EED: variants seen among roughly 807,000 people sequenced by gnomAD.
EED encodes embryonic ectoderm development, also known as polycomb protein EED.
A neutral mutation model predicts 61.0 loss-of-function variants in EED; 9 were observed. The observed-to-expected ratio is 0.15, with a 90% CI of 0.09 to 0.26. The LOEUF is 0.26. Among genes scored for constraint, EED ranks in the 10% least tolerant of loss-of-function variants. EED has a pLI of 1.00. For missense variants in EED, 315 were observed against 542.3 expected (o/e 0.58, Z 4.16); for synonymous variants, 187 against 174.4 (o/e 1.07, Z -0.57).
intron 6 of EED, among the ~76,000 whole-genome samples, chr11:86,262,028 C>T (rs1945843111): frequency 6.6e-6 from 1 of 152,196 alleles, no homozygotes; most frequent in Non-Finnish European, 1.5e-5. Flanking sequence ...TTAATATTCT[C>T]TCTCAAACAT....
intron 3 of EED, 30 bp from the exon 4 acceptor site, chr11:86,255,192 T>C (rs755569556): frequency 1.3e-6 from 2 of 1,550,564 alleles, no homozygotes; most frequent in Non-Finnish European, 8.9e-7. Flanking sequence ...ATACTTGAGA[T>C]GAAATTTACT....
At chr11:86,269,884 T>C (rs1946071307) in intron 9 of EED, among the ~76,000 whole-genome samples, 1 of 152,220 alleles carries the variant, frequency 6.6e-6, no homozygotes, top group Non-Finnish European at 1.5e-5. Flanking sequence ...TACCATAGTT[T>C]ATGTAACTAT....
chr11:86,244,770 T>C lies in EED; in HGVS notation c.-460T>C, dbSNP rs1945337382. The C allele has an allele frequency of 4.3e-6, 1 of 232,928 alleles. No individual in the cohort carries two copies. The highest frequency in any genetic ancestry group is 8.5e-6 in the Non-Finnish European group (1 of 117,734). 14.4% of individuals were successfully genotyped at this position (232,928 alleles called of 1,614,324 possible). On this transcript the variant is annotated 5_prime_UTR_variant, in exon 1 of 12. Transcript: ENST00000263360. ...TGTAGCCCATTCCACAGACTTTCGCTCCCTAGCAGCGGGTCGGAGATCGAA... is the reference window on the plus strand; with the variant it reads ...TGTAGCCCATTCCACAGACTTTCGCCCCCTAGCAGCGGGTCGGAGATCGAA...
rs907767827 is a variant in EED at position 86,256,607 on chromosome 11, A to G, written c.552+95A>G. The stretch of plus-strand genomic sequence containing the variant: ...AATTTAAAACTAATGGTATGAATGT[A>G]ACATTTCTCATTTGATTTGTACTTT... On this transcript the variant is annotated intron_variant, in intron 5 of 11. Transcript: ENST00000263360. 9.8e-6 allele frequency: 12 copies of G among 1,219,708 alleles called. No individual in the cohort carries two copies. The Middle Eastern group carries it at 1.0e-3, about 102-fold the overall frequency. 75.6% of individuals were successfully genotyped at this position (1,219,708 alleles called of 1,614,324 possible). A position where few individuals can be genotyped will look rare whatever the true frequency, so the allele number is the denominator to read the frequency against.
intron 1 of EED, among the ~76,000 whole-genome samples, chr11:86,245,907 A>C (rs189531437): frequency 7.4e-4 from 113 of 152,244 alleles, no homozygotes; most frequent in African/African-American, 2.6e-3. Context: ...GAGGAGCCGA[A>C]TTGAGAGGAT....
chr11:86,257,511 G>A lies in EED; in HGVS notation c.553-4G>A. On this transcript the variant is annotated splice_region_variant and splice_polypyrimidine_tract_variant and intron_variant, in intron 5 of 11. Coordinates refer to ENST00000263360, the MANE Select transcript of EED (RefSeq NM_003797.5). Reference sequence around the variant, plus strand: ...AAACTTGAAATGTTTTAAATTTATTGTAGCACTATGTTGGCCATGGAAATG... The same window carrying A: ...AAACTTGAAATGTTTTAAATTTATTATAGCACTATGTTGGCCATGGAAATG... 6.3e-7 allele frequency: 1 copy of A among 1,595,998 alleles called. No individual in the cohort carries two copies. The highest frequency in any genetic ancestry group is 8.5e-7 in the Non-Finnish European group (1 of 1,173,510).
At chr11:86,263,017 C>T (rs868516475) in intron 6 of EED, among the ~76,000 whole-genome samples, 11 of 152,016 alleles carry the variant, frequency 7.2e-5, no homozygotes, top group Admixed American at 5.9e-4. Context: ...TATGTTACCC[C>T]GGCTGGTCTT....
intron 1 of EED, among the ~76,000 whole-genome samples, chr11:86,247,817 A>G (rs1254146541): frequency 6.6e-6 from 1 of 152,216 alleles, no homozygotes; most frequent in African/African-American, 2.4e-5. Flanking sequence ...GTGGGGGAAT[A>G]TGTTTTTGTG....
intron 5 of EED, among the ~76,000 whole-genome samples, chr11:86,257,140 A>G (rs1407773234): frequency 1.3e-5 from 2 of 150,560 alleles, no homozygotes; most frequent in African/African-American, 2.5e-5. Flanking sequence ...GGCTCAAGCG[A>G]TCCTCCTGCC....
intron 6 of EED, among the ~76,000 whole-genome samples, chr11:86,260,684 G>A (rs980239648): frequency 1.3e-5 from 2 of 152,096 alleles, no homozygotes; most frequent in Non-Finnish European, 2.9e-5. Flanking sequence ...TTTTTAATGT[G>A]AGTATGGTGA....
In EED at chr11:86,244,820, C is replaced by A; in HGVS notation, c.-410C>A. The A allele has an allele frequency of 4.2e-6, 1 of 239,590 alleles. No homozygotes were observed. Among genetic ancestry groups the A allele is most frequent in the Non-Finnish European group, 8.2e-6 (1 of 122,118 alleles). The allele number at this position is 239,590 out of a possible 1,614,324, so 14.8% of individuals were successfully genotyped here. The stretch of plus-strand genomic sequence containing the variant: ...AGGAACGGGCCAATTGCGGCTGAAA[C>A]GTCTTTGGAAGGAGGAAGGGGGTGA... On this transcript the variant is annotated 5_prime_UTR_variant, in exon 1 of 12. Transcript: ENST00000263360.
chr11:86,286,951 G>A, the EED span, among the ~76,000 whole-genome samples: 231 of 107,728 alleles, frequency 2.1e-3, no homozygotes, highest in African/African-American at 8.0e-3. Context: ...CTGCCTGGGC[G>A]AAAGAGCGAG....
At position 86,244,766 on chromosome 11, in the gene EED, T is replaced by G. The variant is rs1945337059; in HGVS notation, c.-464T>G. On this transcript the variant is annotated 5_prime_UTR_variant, in exon 1 of 12. Coordinates refer to ENST00000263360, the MANE Select transcript of EED (RefSeq NM_003797.5). Reference sequence around the variant, plus strand: ...GTGGTGTAGCCCATTCCACAGACTTTCGCTCCCTAGCAGCGGGTCGGAGAT... The same window carrying G: ...GTGGTGTAGCCCATTCCACAGACTTGCGCTCCCTAGCAGCGGGTCGGAGAT... 1 of 233,094 alleles carries G rather than the reference T, an allele frequency of 4.3e-6. No individual in the cohort carries two copies. The allele number at this position is 233,094 out of a possible 1,614,324, so 14.4% of individuals were successfully genotyped here.
At chr11:86,259,858 G>A (rs1332872528) in intron 6 of EED, among the ~76,000 whole-genome samples, 4 of 152,186 alleles carry the variant, frequency 2.6e-5, no homozygotes, top group Non-Finnish European at 4.4e-5. Flanking sequence ...AACAAGTATT[G>A]ACTGGCACAA....
chr11:86,262,366 T>C (rs1326845648), intron 6 of EED, among the ~76,000 whole-genome samples: 1 of 152,272 alleles, frequency 6.6e-6, no homozygotes, highest in Non-Finnish European at 1.5e-5. Context: ...TTGGATTCAT[T>C]GCTCTTAACT....
intron 9 of EED, among the ~76,000 whole-genome samples, chr11:86,270,687 G>C (rs1051476414): frequency 2.0e-5 from 3 of 152,070 alleles, no homozygotes; most frequent in African/African-American, 7.2e-5. Context: ...ATTTTGAGTT[G>C]ATTTCCTTAT....
chr11:86,265,114 A>G (rs1945941799), intron 7 of EED: 1 of 152,166 alleles, frequency 6.6e-6, no homozygotes, highest in African/African-American at 2.4e-5. Context: ...TTCTTTATTA[A>G]TAACTCCAAA....
At chr11:86,257,385 A>G in intron 5 of EED, 130 bp from the exon 6 acceptor site, 3 of 216,284 alleles carry the variant, frequency 1.4e-5, no homozygotes, top group South Asian at 3.1e-4. Context: ...TTGTTGGGTG[A>G]TTTTAGTATG....
intron 9 of EED, among the ~76,000 whole-genome samples, chr11:86,271,632 T>G (rs149748209): frequency 6.6e-6 from 1 of 152,346 alleles, no homozygotes; most frequent in Non-Finnish European, 1.5e-5. Context: ...TTTGTAGATA[T>G]TCTCTATCAA....
Sources: allele counts gnomAD v4.1 joint callset (sites outside exome capture counted in the v4.1 genomes callset), GRCh38; gene constraint gnomAD v4.1.1; transcripts MANE v1.5; gene names NCBI Gene and HGNC (gene_info 2026-07-23, HGNC 2026-07-21).